The following CA4 variants were observed in gnomAD, a reference collection of about 807,000 sequenced individuals.
CA4 encodes the protein CA-IV.
In CA4, 24 loss-of-function variants were observed where a neutral mutation model predicts 34.5. That is an observed-to-expected ratio of 0.70 (90% confidence interval 0.50 to 0.98). The LOEUF is 0.98. Ranked by LOEUF, CA4 falls within the 50% of genes least tolerant of loss-of-function variation. The pLI is 0.00. For synonymous variants in CA4, 178 were observed against 170.6 expected, an observed-to-expected ratio of 1.04 and a Z score of -0.34; for missense variants, 394 against 396.7, an observed-to-expected ratio of 0.99 and a Z score of 0.06.
At chr17:60,157,815 G>C (rs1291732010) in intron 5 of CA4, 27 bp downstream of exon 5, 1 of 1,594,030 alleles carries the variant, frequency 6.3e-7, no homozygotes, top group Non-Finnish European at 8.6e-7. Flanking sequence ...CCACTTCCCG[G>C]GGAACCCGGG....
chr17:60,159,323 A>G lies in CA4; in HGVS notation c.838A>G (p.Thr280Ala). ...GCCCCTGCAGCAGCTGGGGCAGCGCACGGTGATAAAGTCCGGGGCCCCGGG... is the reference window on the plus strand; with the variant it reads ...GCCCCTGCAGCAGCTGGGGCAGCGCGCGGTGATAAAGTCCGGGGCCCCGGG... ...VRPLQQLGQR[T>A]VIKSGAPGRP... The change falls in exon 8 of 8, where the codon ACG becomes GCG. Residue 280 changes from threonine to alanine, a missense_variant. By Grantham distance (58) the Thr-to-Ala change is moderately conservative. Transcript: ENST00000300900. 3 of 1,609,718 alleles carry G rather than the reference A, an allele frequency of 1.9e-6. No individual in the cohort carries two copies. The highest frequency in any genetic ancestry group is 2.5e-6 in the Non-Finnish European group (3 of 1,178,160).
chr17:60,171,779 C>T (rs935651578), downstream of CA4, among the ~76,000 whole-genome samples: 1 of 152,176 alleles, frequency 6.6e-6, no homozygotes. Flanking sequence ...GCTGGAATGG[C>T]TGGAAGAAAG....
downstream of CA4, among the ~76,000 whole-genome samples, chr17:60,175,558 CT>C (rs1376639273): frequency 2.0e-5 from 3 of 146,988 alleles, no homozygotes; most frequent in Non-Finnish European, 3.0e-5. Context: ...AACAGAGACC[CT>C]GTCTCTATTT....
Position 60,150,090 on chromosome 17 carries a change from C to G in CA4, c.56C>G (p.Ala19Gly), listed in dbSNP as rs2083560582. Residue 19 changes from alanine (A) to glycine (G), a missense_variant and splice_region_variant, in exon 1 of 8, where the codon GCA becomes GGA. Ala to Gly is a moderately conservative substitution (Grantham distance 60, BLOSUM62 0). Transcript: ENST00000300900. ...ALSAARPSASAESHWCYEVQA... is the reference protein window; with the variant it reads ...ALSAARPSASGESHWCYEVQA... ...TCCGCGGCGCGGCCATCGGCCAGTG[C>G]AGGTGAGCTCCCGGGCTCCGGCCCC... 4 of 1,597,034 alleles carry G rather than the reference C, an allele frequency of 2.5e-6. No individual in the cohort carries two copies. The East Asian group carries it at 8.9e-5, about 36-fold the overall frequency.
chr17:60,155,164 T>C (rs112723348), intron 1 of CA4, 150 bp from the exon 2 acceptor site: 1 of 718,492 alleles, frequency 1.4e-6, no homozygotes, highest in Non-Finnish European at 2.5e-6. Context: ...GAGTCTCTTT[T>C]TCTGGGCCCT....
chr17:60,178,705 G>C, the CA4 span, among the ~76,000 whole-genome samples: 1 of 152,202 alleles, frequency 6.6e-6, no homozygotes, highest in Non-Finnish European at 1.5e-5. Context: ...GAAAGGGTAT[G>C]GAAACAGTTT....
intron 1 of CA4, among the ~76,000 whole-genome samples, chr17:60,151,887 G>T (rs942388227): frequency 6.6e-5 from 10 of 152,106 alleles, no homozygotes; most frequent in African/African-American, 2.4e-4. Flanking sequence ...GAGGATATTT[G>T]GTCCCCTTCA....
rs3785767 is a variant in CA4, at chr17:60,156,974, G to C, written c.268+259G>C. 3.3e-3 allele frequency: 1,861 copies of C among 567,314 alleles called. 46 individuals carry two copies. The East Asian group carries it at 0.051, about 16-fold the overall frequency. The allele number at this position is 567,314 out of a possible 1,614,324, so 35.1% of individuals were successfully genotyped here. A position where few individuals can be genotyped will look rare whatever the true frequency, so the allele number is the denominator to read the frequency against. ...ACATGTGCAAAGGCGCGGAGGCATG[G>C]AACAGCTCGGCGTGTTCAGAGGACT... On this transcript the variant is annotated intron_variant, in intron 3 of 7. Transcript: ENST00000300900.
chr17:60,168,210 G>T (rs1018193686), intron 5 of CA4, among the ~76,000 whole-genome samples: 2 of 139,922 alleles, frequency 1.4e-5, no homozygotes, highest in South Asian at 2.5e-4. Context: ...TTTATTTTTT[G>T]GGGGGGCGTG....
Position 60,150,002 on chromosome 17 carries a change from C to A in CA4, c.-33C>A. ...GCGGCGGCCTCCTCGGTGCGCGACCCCCGGCTCAGAGGACTCTTTGCTGTC... is the reference window on the plus strand; with the variant it reads ...GCGGCGGCCTCCTCGGTGCGCGACCACCGGCTCAGAGGACTCTTTGCTGTC... On this transcript the variant is annotated 5_prime_UTR_variant, in exon 1 of 8. Transcript: ENST00000300900. The A allele has an allele frequency of 6.3e-7, 1 of 1,585,998 alleles. No individual in the cohort carries two copies. Among genetic ancestry groups the A allele is most frequent in the Non-Finnish European group, 8.6e-7 (1 of 1,166,154 alleles).
At chr17:60,171,883 A>G (rs2083914277), downstream of CA4, among the ~76,000 whole-genome samples, 1 of 152,232 alleles carries the variant, frequency 6.6e-6, no homozygotes, top group Admixed American at 6.5e-5. Context: ...AGGCGCGGAC[A>G]AGGCAAGTGA....
At chr17:60,173,299 A>G (rs1266002830), downstream of CA4, among the ~76,000 whole-genome samples, 37 of 152,324 alleles carry the variant, frequency 2.4e-4, no homozygotes, top group Admixed American at 2.4e-3. Flanking sequence ...TGACCTTCAA[A>G]GGCCTTCACA....
Position 60,157,902 on chromosome 17 carries a change from G to A in CA4, c.513+114G>A, listed in dbSNP as rs180892700. On this transcript the variant is annotated intron_variant, in intron 5 of 7. Coordinates refer to ENST00000300900, the MANE Select transcript of CA4 (RefSeq NM_000717.5). ...AGGGGGCGGGGAGACTCCAACTTCC[G>A]CCTCTGTTTCTGGGGTTGCATGTCC... The A allele has an allele frequency of 6.0e-4, 905 of 1,519,694 alleles. 12 individuals are homozygous for A. The East Asian group carries it at 0.014, about 24-fold the overall frequency. The allele number at this position is 1,519,694 out of a possible 1,614,324, so 94.1% of individuals were successfully genotyped here.
At chr17:60,152,654 C>G (rs769211260) in intron 1 of CA4, among the ~76,000 whole-genome samples, 25 of 152,202 alleles carry the variant, frequency 1.6e-4, no homozygotes, top group Non-Finnish European at 2.6e-4. Context: ...TGCCCCCGGG[C>G]CCTCCAGTCA....
chr17:60,160,713 T>C (rs2083777023), downstream of CA4, among the ~76,000 whole-genome samples: 1 of 142,248 alleles, frequency 7.0e-6, no homozygotes, highest in African/African-American at 2.6e-5. Context: ...ATTGAACCAC[T>C]GCACTCCAAC....
downstream of CA4, among the ~76,000 whole-genome samples, chr17:60,163,535 C>A (rs1360838927): frequency 6.6e-6 from 1 of 152,140 alleles, no homozygotes; most frequent in Admixed American, 6.5e-5. Context: ...ACTGTTCCTG[C>A]ACCTCGCACT....
At chr17:60,178,274 T>C in the CA4 span, among the ~76,000 whole-genome samples, 1 of 152,324 alleles carries the variant, frequency 6.6e-6, no homozygotes, top group Admixed American at 6.5e-5. Flanking sequence ...GTGTTCTCTC[T>C]TTTTTAAAGT....
chr17:60,153,159 G>A (rs985080210), intron 1 of CA4, among the ~76,000 whole-genome samples: 8 of 152,240 alleles, frequency 5.3e-5, no homozygotes, highest in Admixed American at 5.2e-4. Context: ...TCAACATGGT[G>A]AAACCCTGTC....
chr17:60,152,616 G>A (rs1413006977), intron 1 of CA4, among the ~76,000 whole-genome samples: 2 of 152,248 alleles, frequency 1.3e-5, no homozygotes, highest in African/African-American at 4.8e-5. Context: ...GGGGATGCTG[G>A]CTGAAGGGAG....
Sources: allele counts gnomAD v4.1 joint callset (sites outside exome capture counted in the v4.1 genomes callset), GRCh38; gene constraint gnomAD v4.1.1; transcripts MANE v1.5; gene names NCBI Gene and HGNC (gene_info 2026-07-23, HGNC 2026-07-21).